FRMD4A: variants seen among roughly 807,000 people sequenced by gnomAD.
The protein encoded by FRMD4A is FERM domain-containing protein 4A.
FRMD4A carries 29 observed loss-of-function variants against 129.1 expected under a neutral mutation model. The observed-to-expected ratio is 0.22, with a 90% CI of 0.17 to 0.31. FRMD4A has a LOEUF of 0.31. FRMD4A is among the 10% of genes least tolerant of loss of function. The pLI is 1.00. For missense variants in FRMD4A, 1,272 were observed against 1,375.8 expected (o/e 0.92, Z 1.19); for synonymous variants, 634 against 571.6 (o/e 1.11, Z -1.56).
Position 14,173,685 on chromosome 10 carries a change from A to G in FRMD4A, c.45+156373T>C, listed in dbSNP as rs753623152. Among the ~76,000 whole-genome samples the G allele has an allele frequency of 3.9e-5, 6 of 152,148 alleles. No individual in the cohort carries two copies. The South Asian group carries it at 6.2e-4, about 16-fold the overall frequency. On this transcript the variant is annotated intron_variant, in intron 2 of 24. Coordinates refer to ENST00000357447, the MANE Select transcript of FRMD4A (RefSeq NM_018027.5). ...GATCTGAGAAATTGGTACTTCCTGC[A>G]AACGAACAGCTCCGAGGGCTGCACG... is the stretch of plus-strand genomic sequence containing the variant.
intron 15 of FRMD4A, among the ~76,000 whole-genome samples, chr10:13,679,864 G>T (rs1327108257): frequency 6.6e-6 from 1 of 152,068 alleles, no homozygotes; most frequent in Non-Finnish European, 1.5e-5. Context: ...CGAGTGCCCA[G>T]TGACACGGAC....
At chr10:13,842,917 G>T (rs4543884) in intron 3 of FRMD4A, among the ~76,000 whole-genome samples, 45,965 of 151,952 alleles carry the variant, frequency 0.3, 7,071 homozygotes, top group Non-Finnish European at 0.33. Flanking sequence ...GTAAATGAAG[G>T]CTAAAGTAGA....
intron 12 of FRMD4A, among the ~76,000 whole-genome samples, chr10:13,719,546 A>G (rs1020186866): frequency 4.6e-5 from 7 of 152,162 alleles, no homozygotes; most frequent in African/African-American, 1.7e-4. Flanking sequence ...AGAGTTGGGC[A>G]CAGCATGTTC....
At chr10:14,230,975 TA>T (rs1016859425) in intron 2 of FRMD4A, among the ~76,000 whole-genome samples, 16 of 152,248 alleles carry the variant, frequency 1.1e-4, no homozygotes, top group African/African-American at 3.6e-4. Context: ...TGTTCTTTTT[TA>T]TGGCTACATA....
chr10:13,796,463 A>G, intron 5 of FRMD4A, 33 bp downstream of exon 5: 1 of 1,051,878 alleles, frequency 9.5e-7, no homozygotes, highest in Non-Finnish European at 1.5e-6. Flanking sequence ...AAGAACACAA[A>G]GAAGCAAAAG....
chr10:14,079,244 T>G (rs1052637393), intron 2 of FRMD4A, among the ~76,000 whole-genome samples: 1 of 152,100 alleles, frequency 6.6e-6, no homozygotes, highest in African/African-American at 2.4e-5. Context: ...AAACTGGGAT[T>G]TGAACCCCTG....
intron 12 of FRMD4A, among the ~76,000 whole-genome samples, chr10:13,723,725 G>A (rs1238124623): frequency 6.6e-6 from 1 of 152,220 alleles, no homozygotes; most frequent in African/African-American, 2.4e-5. Flanking sequence ...TCTTGAGAGG[G>A]AGATGTTCTG....
intron 2 of FRMD4A, among the ~76,000 whole-genome samples, chr10:14,108,158 A>G (rs974868526): frequency 6.6e-6 from 1 of 152,118 alleles, no homozygotes; most frequent in African/African-American, 2.4e-5. Flanking sequence ...GAGAAATGGC[A>G]TTTTCATGTC....
chr10:14,021,534 G>A (rs1164290693), intron 2 of FRMD4A, among the ~76,000 whole-genome samples: 2 of 152,086 alleles, frequency 1.3e-5, no homozygotes, highest in East Asian at 1.9e-4. Flanking sequence ...TCCAGCCTGG[G>A]GGATAGAGGG....
intron 2 of FRMD4A, among the ~76,000 whole-genome samples, chr10:14,198,669 T>C (rs1842542319): frequency 1.3e-5 from 2 of 152,212 alleles, no homozygotes. Flanking sequence ...TATTTCAGTA[T>C]TACTTTGGGA....
intron 2 of FRMD4A, among the ~76,000 whole-genome samples, chr10:14,098,020 T>C (rs1431804069): frequency 1.1e-5 from 1 of 86,958 alleles, no homozygotes; most frequent in Non-Finnish European, 2.7e-5. Context: ...TTATATATTA[T>C]ATAAATTATA....
intron 2 of FRMD4A, among the ~76,000 whole-genome samples, chr10:14,185,168 C>T (rs1345976256): frequency 6.6e-6 from 1 of 152,172 alleles, no homozygotes; most frequent in Non-Finnish European, 1.5e-5. Context: ...ACCTTTCATC[C>T]TCCTTTTCCT....
chr10:13,907,228 A>C (rs1056484622), intron 2 of FRMD4A, among the ~76,000 whole-genome samples: 1 of 152,194 alleles, frequency 6.6e-6, no homozygotes, highest in African/African-American at 2.4e-5. Context: ...CTTACAAAGG[A>C]AATTCTTTTG....
intron 2 of FRMD4A, among the ~76,000 whole-genome samples, chr10:14,124,859 AGT>A (rs978426499): frequency 6.6e-6 from 1 of 152,090 alleles, no homozygotes; most frequent in East Asian, 1.9e-4. Context: ...GCATGTTTAG[AGT>A]GTGTGTAATT....
chr10:13,878,524 G>A (rs6602692), intron 2 of FRMD4A, among the ~76,000 whole-genome samples: 2,013 of 152,082 alleles, frequency 0.013, 47 homozygotes, highest in African/African-American at 0.044. Context: ...AGGCCGAGGC[G>A]GGCAGATCAC....
At chr10:14,185,717 T>C (rs1842110043) in intron 2 of FRMD4A, among the ~76,000 whole-genome samples, 1 of 152,228 alleles carries the variant, frequency 6.6e-6, no homozygotes, top group African/African-American at 2.4e-5. Flanking sequence ...CCTTCAGTAG[T>C]TCTAGAGAGA....
chr10:13,977,468 C>G (rs115477809), intron 2 of FRMD4A, among the ~76,000 whole-genome samples: 1 of 152,198 alleles, frequency 6.6e-6, no homozygotes, highest in Non-Finnish European at 1.5e-5. Context: ...CACTCTTTGT[C>G]AGTGCTCTTA....
intron 2 of FRMD4A, among the ~76,000 whole-genome samples, chr10:14,062,609 C>T (rs536325868): frequency 1.1e-3 from 175 of 152,340 alleles, no homozygotes; most frequent in African/African-American, 3.8e-3. Context: ...TGAGACAGTG[C>T]ATCCCTCTAA....
rs181305231 is a variant in FRMD4A at position 14,314,124 on chromosome 10, A to G, written c.45+15934T>C. ...CCCAACCACAGCTCAAGACTGTTAC[A>G]GCAAAGATGCCACTATTGTCATTCA... is the stretch of plus-strand genomic sequence containing the variant. On this transcript the variant is annotated intron_variant, in intron 2 of 24. Coordinates refer to ENST00000357447, the MANE Select transcript of FRMD4A (RefSeq NM_018027.5). 5.9e-5 allele frequency among the ~76,000 whole-genome samples: 9 copies of G among 152,378 alleles called. No homozygotes were observed. In the East Asian group the frequency reaches 1.5e-3, roughly 26 times the overall value.
Sources: gnomAD v4.1 joint callset for allele counts (sites outside exome capture counted in the v4.1 genomes callset) on GRCh38, gnomAD v4.1.1 for gene constraint, MANE v1.5 for transcripts, NCBI Gene and HGNC (gene_info 2026-07-23, HGNC 2026-07-21) for gene names.